The following TRPC6 variants were observed in gnomAD, a reference collection of about 807,000 sequenced individuals.
TRPC6 encodes the protein short transient receptor potential channel 6.
Under a neutral mutation model 90.7 loss-of-function variants are expected in TRPC6, and 55 were observed. The observed-to-expected ratio is 0.61, with a 90% CI of 0.49 to 0.76. The LOEUF is 0.76. TRPC6 is among the 30% of genes least tolerant of loss of function. The pLI, the probability that TRPC6 is intolerant of heterozygous loss-of-function variation, is 0.00. For synonymous variants in TRPC6, 393 were observed against 393.0 expected (o/e 1.00, Z 0.00); for missense variants, 989 against 1,122.7 (o/e 0.88, Z 1.70).
At chr11:101,488,846 T>C (rs1859736370) in intron 4 of TRPC6, 91 bp downstream of exon 4, 2 of 1,432,256 alleles carry the variant, frequency 1.4e-6, no homozygotes, top group African/African-American at 2.8e-5. Flanking sequence ...CCAACTGTGA[T>C]TCCCTGAAAT....
chr11:101,475,529 C>A (rs1859392156), intron 6 of TRPC6, among the ~76,000 whole-genome samples: 2 of 152,142 alleles, frequency 1.3e-5, no homozygotes, highest in South Asian at 4.1e-4. Context: ...AAGCTTATTA[C>A]AAGCTCCCTT....
At chr11:101,567,193 C>T (rs1366882339) in intron 1 of TRPC6, among the ~76,000 whole-genome samples, 3 of 152,050 alleles carry the variant, frequency 2.0e-5, no homozygotes, top group African/African-American at 2.4e-5. Flanking sequence ...GAGGGGCGTC[C>T]GCTATTGCTG....
chr11:101,470,809 C>CT (rs1161034906), intron 9 of TRPC6, among the ~76,000 whole-genome samples: 1 of 43,300 alleles, frequency 2.3e-5, no homozygotes, highest in Non-Finnish European at 4.2e-5. Context: ...GTTGCCCCGC[C>CT]CCCCCCCCCT....
intron 10 of TRPC6, among the ~76,000 whole-genome samples, chr11:101,468,102 G>C (rs1156408593): frequency 6.6e-6 from 1 of 152,154 alleles, no homozygotes; most frequent in African/African-American, 2.4e-5. Context: ...TTGCCTTCTT[G>C]CTGTCTTACT....
intron 1 of TRPC6, among the ~76,000 whole-genome samples, chr11:101,515,388 C>A (rs958035015): frequency 6.6e-6 from 1 of 152,200 alleles, no homozygotes; most frequent in African/African-American, 2.4e-5. Context: ...CTTTGTTTTG[C>A]TGCCACTATT....
intron 4 of TRPC6, among the ~76,000 whole-genome samples, chr11:101,487,723 T>A (rs1398632483): frequency 1.3e-5 from 2 of 152,210 alleles, no homozygotes; most frequent in African/African-American, 4.8e-5. Context: ...GTTCCTCATT[T>A]ATATTATGAA....
At chr11:101,472,587 T>C (rs1859317791) in intron 7 of TRPC6, among the ~76,000 whole-genome samples, 1 of 152,170 alleles carries the variant, frequency 6.6e-6, no homozygotes, top group Non-Finnish European at 1.5e-5. Context: ...ATAAATGCTA[T>C]TAACATAATT....
intron 1 of TRPC6, among the ~76,000 whole-genome samples, chr11:101,525,204 G>A (rs1376983919): frequency 3.3e-5 from 5 of 152,226 alleles, no homozygotes; most frequent in Non-Finnish European, 5.9e-5. Flanking sequence ...GAAAGGCAAG[G>A]TGGTAGAGCA....
chr11:101,504,741 C>G lies in TRPC6; in HGVS notation c.228G>C (p.Gly76=). ...CTGGTCCTCGATTAGCTAACCTTCT[C>G]CCCTTCTCACGGAGAACTGTCTGCC... is the stretch of plus-strand genomic sequence containing the variant. ...HRRQTVLREK[G]RRLANRGPAY... The change falls in exon 2 of 13, where the codon GGG becomes GGC. Residue 76 remains glycine (G), a synonymous_variant. Transcript: ENST00000344327. 6.2e-7 allele frequency: 1 copy of G among 1,601,856 alleles called. No individual in the cohort carries two copies. Among genetic ancestry groups the G allele is most frequent in the Non-Finnish European group, 8.5e-7 (1 of 1,174,076 alleles).
rs535729029 is a variant in TRPC6 at position 101,481,014 on chromosome 11, C to T, written c.1510+1935G>A. On this transcript the variant is annotated intron_variant, in intron 5 of 12. Coordinates refer to ENST00000344327, the MANE Select transcript of TRPC6 (RefSeq NM_004621.6). The stretch of plus-strand genomic sequence containing the variant: ...ATTTTATGCCACTATCCATATTTTT[C>T]CCTAAAACATATTCAGGAAATGAAG... Among the ~76,000 whole-genome samples the T allele has an allele frequency of 3.9e-5, 6 of 152,250 alleles. No homozygotes were observed. In the East Asian group the frequency reaches 1.2e-3, roughly 29 times the overall value.
At chr11:101,501,333 G>T (rs1427593863) in intron 2 of TRPC6, among the ~76,000 whole-genome samples, 4 of 151,498 alleles carry the variant, frequency 2.6e-5, no homozygotes, top group African/African-American at 9.7e-5. Context: ...TTTCTTGATG[G>T]CTAAAATTAG....
At chr11:101,519,029 T>C (rs559802185) in intron 1 of TRPC6, among the ~76,000 whole-genome samples, 1 of 152,242 alleles carries the variant, frequency 6.6e-6, no homozygotes, top group Non-Finnish European at 1.5e-5. Flanking sequence ...AGAAGAATGG[T>C]TACCAGAGGC....
intron 6 of TRPC6, among the ~76,000 whole-genome samples, chr11:101,476,096 T>G (rs546814379): frequency 6.6e-6 from 1 of 152,122 alleles, no homozygotes; most frequent in Non-Finnish European, 1.5e-5. Context: ...GTCTTGTGAT[T>G]AAGAGAGTTT....
At chr11:101,483,321 T>G (rs1002225571) in intron 4 of TRPC6, among the ~76,000 whole-genome samples, 156 bp from the exon 5 acceptor site, 1 of 152,244 alleles carries the variant, frequency 6.6e-6, no homozygotes. Flanking sequence ...AATATCTTTA[T>G]GCTGTTACAA....
chr11:101,547,173 T>C (rs1861325207), intron 1 of TRPC6, among the ~76,000 whole-genome samples: 1 of 152,192 alleles, frequency 6.6e-6, no homozygotes, highest in South Asian at 2.1e-4. Context: ...AAACTTTATA[T>C]GTATTATTTA....
At chr11:101,457,948 T>A (rs545110238) in intron 10 of TRPC6, among the ~76,000 whole-genome samples, 1 of 152,184 alleles carries the variant, frequency 6.6e-6, no homozygotes. Flanking sequence ...CCTTTACTTA[T>A]GATGGGGTTA....
At chr11:101,532,613 G>T (rs1860933198) in intron 1 of TRPC6, among the ~76,000 whole-genome samples, 1 of 152,208 alleles carries the variant, frequency 6.6e-6, no homozygotes, top group Admixed American at 6.5e-5. Context: ...GTGAATTTAA[G>T]CAACTCCTGT....
chr11:101,572,277 A>T (rs1472870330), intron 1 of TRPC6, among the ~76,000 whole-genome samples: 2 of 151,532 alleles, frequency 1.3e-5, no homozygotes, highest in Admixed American at 1.3e-4. Context: ...AAAAAAACTC[A>T]TTAGAGAAAT....
At position 101,504,349 on chromosome 11, in the gene TRPC6, T is replaced by G. The variant is rs1186563651; in HGVS notation, c.620A>C (p.Tyr207Ser). Residue 207 changes from tyrosine to serine, a missense_variant, in exon 2 of 13, where the codon TAT becomes TCT. Coordinates refer to ENST00000344327, the MANE Select transcript of TRPC6 (RefSeq NM_004621.6). The stretch of plus-strand genomic sequence containing the variant: ...CCGTGTCCCATCTTCATCATAGGCA[T>G]AAAAATCATCTTGCTGGAGTTCAGA... ...SQSELQQDDF[Y>S]AYDEDGTRFS... 6.2e-7 allele frequency: 1 copy of G among 1,613,924 alleles called. No homozygotes were observed. Among genetic ancestry groups the G allele is most frequent in the Non-Finnish European group, 8.5e-7 (1 of 1,179,976 alleles).
Sources: gnomAD v4.1 joint callset for allele counts (sites outside exome capture counted in the v4.1 genomes callset) on GRCh38, gnomAD v4.1.1 for gene constraint, MANE v1.5 for transcripts, NCBI Gene and HGNC (gene_info 2026-07-23, HGNC 2026-07-21) for gene names.